CNTLN: variants seen among roughly 807,000 people sequenced by gnomAD.
CNTLN encodes the protein centlein, centrosomal protein.
CNTLN carries 212 observed loss-of-function variants against 180.0 expected under a neutral mutation model. That is an observed-to-expected ratio of 1.18 (90% CI 1.05 to 1.32). The LOEUF is 1.32. Among genes scored for constraint, CNTLN ranks in the 40% most tolerant of loss-of-function variants. CNTLN has a pLI of 0.00. For missense variants in CNTLN, 2,095 were observed against 1,610.9 expected (o/e 1.30, Z -5.14); for synonymous variants, 722 against 563.1 (o/e 1.28, Z -3.99).
intron 16 of CNTLN, among the ~76,000 whole-genome samples, chr9:17,414,073 G>C (rs562985890): frequency 6.6e-6 from 1 of 152,286 alleles, no homozygotes; most frequent in South Asian, 2.1e-4. Context: ...CTAGCTTTCT[G>C]ACCTGAAATT....
At chr9:17,193,917 A>T (rs889589640) in intron 2 of CNTLN, among the ~76,000 whole-genome samples, 1 of 152,186 alleles carries the variant, frequency 6.6e-6, no homozygotes, top group African/African-American at 2.4e-5. Flanking sequence ...CCAAACCCCA[A>T]TTCTTGACTT....
intron 25 of CNTLN, among the ~76,000 whole-genome samples, chr9:17,494,717 A>G (rs546859504): frequency 6.6e-6 from 1 of 152,284 alleles, no homozygotes; most frequent in South Asian, 2.1e-4. Flanking sequence ...CTAAGGTTGT[A>G]GCACAACACA....
chr9:17,217,770 C>G (rs1383773764), intron 2 of CNTLN, among the ~76,000 whole-genome samples: 1 of 151,984 alleles, frequency 6.6e-6, no homozygotes, highest in African/African-American at 2.4e-5. Context: ...TGAGTATATG[C>G]AGAAATATCT....
chr9:17,304,469 C>CT (rs1354159014), intron 7 of CNTLN, among the ~76,000 whole-genome samples: 1 of 152,070 alleles, frequency 6.6e-6, no homozygotes, highest in Non-Finnish European at 1.5e-5. Flanking sequence ...TATTTTATAA[C>CT]TTTTTGGTCT....
At chr9:17,243,642 T>C (rs1429239972) in intron 5 of CNTLN, among the ~76,000 whole-genome samples, 1 of 152,206 alleles carries the variant, frequency 6.6e-6, no homozygotes, top group African/African-American at 2.4e-5. Flanking sequence ...TTGTTACTTA[T>C]TTCTAGTTTT....
the CNTLN span, among the ~76,000 whole-genome samples, chr9:17,511,406 A>T: frequency 6.6e-6 from 1 of 152,206 alleles, no homozygotes; most frequent in Non-Finnish European, 1.5e-5. Context: ...CTGTGGATCA[A>T]GAATCTGGGT....
rs200283866 is a variant in CNTLN at position 17,463,025 on chromosome 9, G to C, written c.3404+12G>C. The C allele has an allele frequency of 1.3e-5, 20 of 1,523,056 alleles. 1 individual carries two copies. The highest frequency in any genetic ancestry group is 1.8e-6 in the Non-Finnish European group (2 of 1,117,390). The allele number at this position is 1,523,056 out of a possible 1,614,324, so 94.3% of individuals were successfully genotyped here. A position where few individuals can be genotyped will look rare whatever the true frequency, so the allele number is the denominator to read the frequency against. The stretch of plus-strand genomic sequence containing the variant: ...GAAATGCATGAAAAGTATGGTTTTT[G>C]TATTTCTATCCATTGTATTTGGTGC... On this transcript the variant is annotated intron_variant, in intron 20 of 25. Coordinates refer to ENST00000380647, the MANE Select transcript of CNTLN (RefSeq NM_017738.4).
At chr9:17,476,534 G>A (rs1329434913) in intron 23 of CNTLN, among the ~76,000 whole-genome samples, 5 of 152,166 alleles carry the variant, frequency 3.3e-5, no homozygotes, top group African/African-American at 1.2e-4. Flanking sequence ...ACTGAAGGAA[G>A]TAAAAAAATG....
chr9:17,167,978 G>T (rs1820190985), intron 2 of CNTLN: 1 of 152,106 alleles, frequency 6.6e-6, no homozygotes, highest in Non-Finnish European at 1.5e-5. Flanking sequence ...TCCTTCTGGG[G>T]CAGTATAAAG....
chr9:17,198,698 G>A (rs1407663001), intron 2 of CNTLN, among the ~76,000 whole-genome samples: 14 of 142,740 alleles, frequency 9.8e-5, no homozygotes, highest in African/African-American at 1.3e-4. Context: ...CTCCCCAACA[G>A]GCCCCTGTGT....
intron 3 of CNTLN, among the ~76,000 whole-genome samples, chr9:17,231,651 C>G (rs1824822938): frequency 6.6e-6 from 1 of 152,022 alleles, no homozygotes; most frequent in African/African-American, 2.4e-5. Context: ...CTTCCTTTTT[C>G]TCCACTTATC....
chr9:17,201,097 T>G (rs1383785678), intron 2 of CNTLN, among the ~76,000 whole-genome samples: 2 of 152,188 alleles, frequency 1.3e-5, no homozygotes, highest in African/African-American at 4.8e-5. Flanking sequence ...AATCATGTGA[T>G]TTTTGTCATT....
chr9:17,150,349 A>T (rs1818772548), intron 2 of CNTLN, among the ~76,000 whole-genome samples: 1 of 152,208 alleles, frequency 6.6e-6, no homozygotes, highest in Non-Finnish European at 1.5e-5. Context: ...TGAGGGGTCC[A>T]GTTTCAGTTG....
chr9:17,246,592 C>T (rs1825807428), intron 5 of CNTLN, among the ~76,000 whole-genome samples: 1 of 152,190 alleles, frequency 6.6e-6, no homozygotes, highest in South Asian at 2.1e-4. Context: ...CCACAATCAG[C>T]AATTCGTTAA....
intron 18 of CNTLN, among the ~76,000 whole-genome samples, chr9:17,429,028 AT>A (rs1316450847): frequency 6.6e-6 from 1 of 152,042 alleles, no homozygotes; most frequent in Admixed American, 6.6e-5. Flanking sequence ...AAATACAGAA[AT>A]GCTCTAGAAA....
chr9:17,485,801 A>G (rs1210488057), intron 24 of CNTLN, among the ~76,000 whole-genome samples: 1 of 152,126 alleles, frequency 6.6e-6, no homozygotes, highest in Non-Finnish European at 1.5e-5. Context: ...AGTAATCTCT[A>G]AAATGATGCA....
At chr9:17,525,589 C>T in the CNTLN span, among the ~76,000 whole-genome samples, 1 of 152,160 alleles carries the variant, frequency 6.6e-6, no homozygotes, top group East Asian at 1.9e-4. Context: ...GTTTCTGTAG[C>T]TTGTTTAAAA....
intron 5 of CNTLN, among the ~76,000 whole-genome samples, chr9:17,261,940 A>G (rs1827018334): frequency 1.3e-5 from 2 of 151,810 alleles, no homozygotes; most frequent in African/African-American, 2.4e-5. Flanking sequence ...TTCTCCTTCA[A>G]AAGTGGACAT....
At chr9:17,298,717 C>T (rs1386583794) in intron 7 of CNTLN, 8 of 993,102 alleles carry the variant, frequency 8.1e-6, no homozygotes, top group Non-Finnish European at 7.2e-6. Context: ...GGCAGACTTT[C>T]ATTGTAAAAT....
Sources: gnomAD v4.1 joint callset for allele counts (sites outside exome capture counted in the v4.1 genomes callset) on GRCh38, gnomAD v4.1.1 for gene constraint, MANE v1.5 for transcripts, NCBI Gene and HGNC (gene_info 2026-07-23, HGNC 2026-07-21) for gene names.